Variants in ZNF710 observed in about 807,000 individuals in gnomAD.
ZNF710 encodes the protein zinc finger protein 710.
In ZNF710, 13 loss-of-function variants were observed where a neutral mutation model predicts 50.6. The observed-to-expected ratio is 0.26, with a 90% CI of 0.17 to 0.41. ZNF710 has a LOEUF of 0.41. Among genes scored for constraint, ZNF710 ranks in the 10% least tolerant of loss-of-function variants. The pLI, the probability that ZNF710 is intolerant of heterozygous loss-of-function variation, is 1.00. For synonymous variants in ZNF710, 383 were observed against 397.0 expected (o/e 0.96, Z 0.42); for missense variants, 721 against 936.6 (o/e 0.77, Z 3.01).
At chr15:90,011,877 G>A (rs373985749) in intron 1 of ZNF710, among the ~76,000 whole-genome samples, 29 of 152,074 alleles carry the variant, frequency 1.9e-4, no homozygotes, top group Middle Eastern at 3.4e-3. Context: ...ATTTACAAGC[G>A]TCATTCCACT....
At chr15:90,008,465 T>TATAC (rs1567218501) in intron 1 of ZNF710, among the ~76,000 whole-genome samples, 3 of 137,260 alleles carry the variant, frequency 2.2e-5, no homozygotes, top group Admixed American at 7.0e-5. Flanking sequence ...TATATATATA[T>TATAC]ACATGAAGTA....
Position 90,068,908 on chromosome 15 carries a change from A to G in ZNF710, c.1458+313A>G, listed in dbSNP as rs1393808988. ...TGGGGTTTGAGACCAGCCTGGGCAA[A>G]ATAATGAGACCCCATCGCTACAAAA... On this transcript the variant is annotated intron_variant, in intron 2 of 4. Transcript: ENST00000268154. The surrounding 1 kb of genome is among the most constrained non-coding windows in gnomAD (Gnocchi z 5.0). 6.6e-6 allele frequency among the ~76,000 whole-genome samples: 1 copy of G among 151,202 alleles called. No individual in the cohort carries two copies. The highest frequency in any genetic ancestry group is 6.6e-5 in the Admixed American group (1 of 15,186).
At chr15:90,016,587 A>G (rs570659001) in intron 1 of ZNF710, among the ~76,000 whole-genome samples, 4 of 152,178 alleles carry the variant, frequency 2.6e-5, no homozygotes, top group Non-Finnish European at 5.9e-5. Flanking sequence ...GACTACAGGC[A>G]TGTACCATCA....
intron 1 of ZNF710, among the ~76,000 whole-genome samples, chr15:90,024,156 C>T (rs767389736): frequency 2.8e-4 from 43 of 152,322 alleles, no homozygotes; most frequent in Middle Eastern, 6.8e-3. Context: ...CATGCCCAGG[C>T]GGCGAGCATT....
intron 1 of ZNF710, among the ~76,000 whole-genome samples, chr15:90,066,504 G>A (rs1328964263): frequency 1.5e-5 from 2 of 129,736 alleles, no homozygotes; most frequent in Admixed American, 8.9e-5. Context: ...TTGAGACAGA[G>A]TGTCACTTTG....
At chr15:90,033,812 C>T (rs913132251) in intron 1 of ZNF710, among the ~76,000 whole-genome samples, 1 of 152,204 alleles carries the variant, frequency 6.6e-6, no homozygotes, top group African/African-American at 2.4e-5. Flanking sequence ...AAGAGATGGC[C>T]TTCTGAGTCC....
At chr15:90,023,526 A>C (rs1427908375) in intron 1 of ZNF710, among the ~76,000 whole-genome samples, 6 of 152,110 alleles carry the variant, frequency 3.9e-5, no homozygotes, top group Admixed American at 3.3e-4. Flanking sequence ...ACATAAACAC[A>C]CTTGCAGGTG....
At position 90,008,441 on chromosome 15, in the gene ZNF710, C is replaced by CATATATACATATAT. The variant is rs1555454984; in HGVS notation, c.-29+6834_-29+6835insCATATATATATATA. On this transcript the variant is annotated intron_variant, in intron 1 of 4. Coordinates refer to ENST00000268154, the MANE Select transcript of ZNF710 (RefSeq NM_198526.4). The stretch of plus-strand genomic sequence containing the variant: ...GTGTGTGTGTGTATATATATATATA[C>CATATATACATATAT]ATATATATATATGTATATATATATA... 7.7e-4 allele frequency among the ~76,000 whole-genome samples: 97 copies of CATATATACATATAT among 126,478 alleles called. 3 individuals are homozygous for CATATATACATATAT. Among genetic ancestry groups the CATATATACATATAT allele is most frequent in the African/African-American group, 3.6e-3 (95 of 26,308 alleles). 83.0% of individuals were successfully genotyped at this position (126,478 alleles called of 152,430 possible).
chr15:90,050,119 C>G (rs1048183346), intron 1 of ZNF710, among the ~76,000 whole-genome samples: 2 of 152,238 alleles, frequency 1.3e-5, no homozygotes, highest in African/African-American at 2.4e-5. Context: ...GTCCCTCCCC[C>G]CAGGAGATAC....
chr15:90,074,140 A>C lies in ZNF710; in HGVS notation c.1675A>C (p.Met559Leu). Reference protein sequence around the residue: ...CKVCGKSFNRMYNLLGHMHLH... With the variant: ...CKVCGKSFNRLYNLLGHMHLH... ...GGTGTGCGGGAAGTCCTTCAACCGC[A>C]TGTACAACCTGCTGGGCCACATGCA... The change falls in exon 4 of 5, where the codon ATG (methionine) becomes CTG (leucine). Residue 559 changes from methionine (M) to leucine (L), a missense_variant. Physicochemically the swap from Met to Leu is conservative, Grantham distance 15 (BLOSUM62 2). This residue lies in a region of ZNF710 where 326 missense variants were observed against 522.0 expected (regional missense o/e 0.62). Transcript: ENST00000268154. 1 of 1,613,542 alleles carries C rather than the reference A, an allele frequency of 6.2e-7. No individual in the cohort carries two copies.
At chr15:90,012,184 A>T (rs1046442717) in intron 1 of ZNF710, among the ~76,000 whole-genome samples, 1 of 151,846 alleles carries the variant, frequency 6.6e-6, no homozygotes, top group African/African-American at 2.4e-5. Context: ...CAGCCTGGCA[A>T]CAGAGGGAGA....
chr15:90,060,973 C>G (rs1190080366), intron 1 of ZNF710, among the ~76,000 whole-genome samples: 1 of 152,190 alleles, frequency 6.6e-6, no homozygotes, highest in Admixed American at 6.5e-5. Context: ...AGCCTGCCTT[C>G]CAGGATAAGT....
At chr15:90,000,137 ACTTTG>A (rs1409769330), upstream of ZNF710, among the ~76,000 whole-genome samples, 1 of 151,902 alleles carries the variant, frequency 6.6e-6, no homozygotes, top group East Asian at 2.0e-4. Context: ...AATGTGACCA[ACTTTG>A]CTTTGGGAAC....
chr15:90,009,393 G>A (rs1898238924), intron 1 of ZNF710, among the ~76,000 whole-genome samples: 1 of 152,048 alleles, frequency 6.6e-6, no homozygotes, highest in South Asian at 2.1e-4. Flanking sequence ...GCTTCCCATC[G>A]TGGCTCCATT....
chr15:90,069,971 C>A (rs1337228253), intron 2 of ZNF710, among the ~76,000 whole-genome samples: 1 of 152,074 alleles, frequency 6.6e-6, no homozygotes, highest in African/African-American at 2.4e-5. Flanking sequence ...CCACCGAAAT[C>A]CCACCAACTT....
intron 1 of ZNF710, chr15:90,025,991 G>A (rs1414833996): frequency 6.6e-6 from 1 of 151,736 alleles, no homozygotes; most frequent in Non-Finnish European, 1.5e-5. Flanking sequence ...TTATTAAAAA[G>A]GGAGAGAGAA....
Position 90,068,128 on chromosome 15 carries a change from C to T in ZNF710, c.991C>T (p.Leu331Phe), listed in dbSNP as rs1900250994. The T allele has an allele frequency of 1.2e-6, 2 of 1,614,142 alleles. No homozygotes were observed. The highest frequency in any genetic ancestry group is 1.7e-5 in the Admixed American group (1 of 60,016). Residue 331 changes from leucine (L) to phenylalanine (F), a missense_variant, in exon 2 of 5, where the codon CTC becomes TTC. Leu to Phe is a conservative substitution (Grantham distance 22). This residue lies in a region of ZNF710 where 326 missense variants were observed against 522.0 expected (regional missense o/e 0.62). Transcript: ENST00000268154. This position sits in a 1 kb window ranked among gnomAD's most constrained non-coding sequence, Gnocchi z 5.0. ...KPHSCPHCSKLFKQPSHLQTH... is the reference protein window; with the variant it reads ...KPHSCPHCSKFFKQPSHLQTH... ...ACACTCGTGCCCACACTGCAGCAAG[C>T]TCTTCAAGCAGCCCAGCCACCTGCA...
At position 90,067,895 on chromosome 15, in the gene ZNF710, A is replaced by C; in HGVS notation, c.758A>C (p.Glu253Ala). 6.2e-7 allele frequency: 1 copy of C among 1,612,430 alleles called. No homozygotes were observed. The highest frequency in any genetic ancestry group is 8.5e-7 in the Non-Finnish European group (1 of 1,179,000). ...EQGFVWQEAS[E>A]FEADTAGSTV... ...GGCTTCGTGTGGCAGGAGGCCAGTG[A>C]GTTCGAGGCTGACACGGCGGGTTCG... The change falls in exon 2 of 5, where the codon GAG (glutamate) becomes GCG (alanine). Residue 253 changes from glutamate (E) to alanine (A), a missense_variant. Glu to Ala is a moderately radical substitution (Grantham distance 107). Transcript: ENST00000268154. The surrounding 1 kb of genome is among the most constrained non-coding windows in gnomAD (Gnocchi z 8.1).
At chr15:90,056,864 C>G (rs1899834924) in intron 1 of ZNF710, among the ~76,000 whole-genome samples, 1 of 152,176 alleles carries the variant, frequency 6.6e-6, no homozygotes, top group Non-Finnish European at 1.5e-5. Context: ...AGGCTCATTT[C>G]TATAAGAACC....
Sources: allele counts gnomAD v4.1 joint callset (sites outside exome capture counted in the v4.1 genomes callset), GRCh38; gene constraint gnomAD v4.1.1; regional missense constraint gnomAD v4.1.1; non-coding constraint Gnocchi (gnomAD v3.1); transcripts MANE v1.5; gene names NCBI Gene and HGNC (gene_info 2026-07-23, HGNC 2026-07-21).